ANGEL1: variants seen among roughly 807,000 people sequenced by gnomAD.
ANGEL1 encodes RNA 2',3'-cyclic phosphatase ANGEL1.
Under a neutral mutation model 76.4 loss-of-function variants are expected in ANGEL1, and 62 were observed. That is an observed-to-expected ratio of 0.81 (90% CI 0.66 to 1.00). The LOEUF is 1.00. ANGEL1 is among the 50% of genes least tolerant of loss of function. The probability of loss-of-function intolerance (pLI) is 0.00; values close to 1 mark genes in which losing one functional copy is unlikely to be tolerated. For synonymous variants in ANGEL1, 340 were observed against 331.7 expected (o/e 1.03, Z -0.27); for missense variants, 737 against 836.7 (o/e 0.88, Z 1.47).
chr14:76,789,694 A>AT (rs1319022832), intron 9 of ANGEL1, among the ~76,000 whole-genome samples: 555 of 135,722 alleles, frequency 4.1e-3, no homozygotes, highest in Middle Eastern at 7.4e-3. Context: ...ATAAAATCTG[A>AT]TTTTTTTTTT....
rs1409024844 is a variant in ANGEL1 at position 76,791,483 on chromosome 14, G to GA, written c.1619-118dup. The GA allele has an allele frequency of 1.9e-5, 17 of 904,386 alleles. No individual in the cohort carries two copies. In the Middle Eastern group the frequency reaches 3.3e-3, roughly 174 times the overall value. 56.0% of individuals were successfully genotyped at this position (904,386 alleles called of 1,614,324 possible). A position where few individuals can be genotyped will look rare whatever the true frequency, so the allele number is the denominator to read the frequency against. On this transcript the variant is annotated intron_variant, in intron 7 of 9. Transcript: ENST00000251089. ...GACTGGATTGCTTCAGAAGGATCCA[G>GA]AAGGAGAAAGGGAGAAACAGTGAGG... is the stretch of plus-strand genomic sequence containing the variant.
chr14:76,799,796 C>T (rs1315586227), intron 7 of ANGEL1, among the ~76,000 whole-genome samples: 2 of 151,280 alleles, frequency 1.3e-5, no homozygotes, highest in African/African-American at 4.9e-5. Context: ...CCCAGCTACT[C>T]GGAAGGTTGA....
At chr14:76,806,006 T>C (rs1230080257) in intron 5 of ANGEL1, among the ~76,000 whole-genome samples, 1 of 152,168 alleles carries the variant, frequency 6.6e-6, no homozygotes, top group Non-Finnish European at 1.5e-5. Context: ...GATTACAATA[T>C]CATAGGAACA....
chr14:76,789,134 T>C lies in ANGEL1; in HGVS notation c.*94A>G. 4.7e-6 allele frequency: 7 copies of C among 1,491,650 alleles called. No homozygotes were observed. Among genetic ancestry groups the C allele is most frequent in the Non-Finnish European group, 6.4e-6 (7 of 1,099,728 alleles). 92.4% of individuals were successfully genotyped at this position (1,491,650 alleles called of 1,614,324 possible). A position where few individuals can be genotyped will look rare whatever the true frequency, so the allele number is the denominator to read the frequency against. On this transcript the variant is annotated 3_prime_UTR_variant, in exon 10 of 10. Coordinates refer to ENST00000251089, the MANE Select transcript of ANGEL1 (RefSeq NM_015305.4). ...GGGGAAGGGAGGGGATGTAAGTTTC[T>C]TGGATCTAAGTTTCTAGATGCATGG...
intron 5 of ANGEL1, 89 bp downstream of exon 5, chr14:76,806,327 G>C: frequency 7.3e-7 from 1 of 1,378,508 alleles, no homozygotes; most frequent in Non-Finnish European, 9.9e-7. Flanking sequence ...GGTGTACTGA[G>C]GTCCCTGCCA....
At chr14:76,798,984 G>C (rs1233372270) in intron 7 of ANGEL1, among the ~76,000 whole-genome samples, 2 of 149,130 alleles carry the variant, frequency 1.3e-5, no homozygotes, top group African/African-American at 2.5e-5. Context: ...GTTGGAAATA[G>C]TAAGAATCAC....
intron 7 of ANGEL1, among the ~76,000 whole-genome samples, chr14:76,802,568 T>C (rs1398668664): frequency 5.3e-5 from 8 of 152,174 alleles, no homozygotes; most frequent in Non-Finnish European, 1.0e-4. Context: ...CTTGAACAGA[T>C]TGCTTAATGG....
intron 5 of ANGEL1, among the ~76,000 whole-genome samples, chr14:76,805,800 C>T (rs915076333): frequency 1.3e-5 from 2 of 152,218 alleles, no homozygotes; most frequent in East Asian, 1.9e-4. Context: ...AGCCAGACCA[C>T]CTGGTTACAA....
intron 7 of ANGEL1, among the ~76,000 whole-genome samples, chr14:76,797,486 G>A (rs1056260040): frequency 6.6e-6 from 1 of 152,150 alleles, no homozygotes; most frequent in Admixed American, 6.5e-5. Context: ...TGTAATCCCA[G>A]CTACTCAGGA....
chr14:76,789,200 G>C lies in ANGEL1; in HGVS notation c.*28C>G, dbSNP rs1383577187. 6.2e-7 allele frequency: 1 copy of C among 1,612,796 alleles called. No homozygotes were observed. Among genetic ancestry groups the C allele is most frequent in the African/African-American group, 1.3e-5 (1 of 74,884 alleles). On this transcript the variant is annotated 3_prime_UTR_variant, in exon 10 of 10. Coordinates refer to ENST00000251089, the MANE Select transcript of ANGEL1 (RefSeq NM_015305.4). Reference sequence around the variant, plus strand: ...TCTGATCCAGTGAGCTCTTCTGGAAGAGAAGCTCTCTTCCCCTGGGAGCCC... The same window carrying C: ...TCTGATCCAGTGAGCTCTTCTGGAACAGAAGCTCTCTTCCCCTGGGAGCCC...
chr14:76,812,572 G>A (rs901679836), intron 1 of ANGEL1, 192 bp downstream of exon 1: 2 of 1,250,172 alleles, frequency 1.6e-6, no homozygotes, highest in Non-Finnish European at 2.0e-6. Flanking sequence ...AGGGACGTCG[G>A]CCAGGTCCAG....
chr14:76,807,592 C>A, intron 3 of ANGEL1, 90 bp from the exon 4 acceptor site: 1 of 1,320,312 alleles, frequency 7.6e-7, no homozygotes, highest in Non-Finnish European at 1.1e-6. Context: ...AGGTGGGAAG[C>A]TGCTGGGTCA....
At position 76,804,835 on chromosome 14, in the gene ANGEL1, C is replaced by T. The variant is rs376594459; in HGVS notation, c.1381-923G>A. Among the ~76,000 whole-genome samples, 3 of 152,140 alleles carry T rather than the reference C, an allele frequency of 2.0e-5. No individual in the cohort carries two copies. The South Asian group carries it at 6.2e-4, about 32-fold the overall frequency. On this transcript the variant is annotated intron_variant, in intron 5 of 9. Transcript: ENST00000251089. ...GACCAGCCTGGCCAACATGGCGAAA[C>T]CCCGTCTCTACTAAACATACAAAAA...
At chr14:76,793,403 GGGATAAAAGGAAAGAGGAGAGGGGA>G (rs1894472113) in intron 7 of ANGEL1, among the ~76,000 whole-genome samples, 2 of 51,682 alleles carry the variant, frequency 3.9e-5, no homozygotes, top group Non-Finnish European at 9.2e-5. Flanking sequence ...GAGGGGAGAG[GGGATAAAAGGAAAGAGGAGAGGGGA>G]GGAGGAGGAG....
intron 5 of ANGEL1, chr14:76,804,183 C>T (rs1040401493): frequency 1.4e-6 from 2 of 1,411,326 alleles, no homozygotes; most frequent in African/African-American, 2.9e-5. Context: ...ACATGTGGTT[C>T]CCTAAATTTT....
At chr14:76,797,969 A>G (rs961515668) in intron 7 of ANGEL1, among the ~76,000 whole-genome samples, 3 of 152,128 alleles carry the variant, frequency 2.0e-5, no homozygotes, top group African/African-American at 7.2e-5. Flanking sequence ...GCACCTTGGG[A>G]GGTGATTAGG....
rs1389690956 is a variant in ANGEL1, at chr14:76,812,773, C to A, written c.55G>T (p.Ala19Ser). Reference sequence around the variant, plus strand: ...TACGCCTGGCCGGTACCTGAGAGGGCGCGGAAGAGGCGCGTGGCCGGCAGC... The same window carrying A: ...TACGCCTGGCCGGTACCTGAGAGGGAGCGGAAGAGGCGCGTGGCCGGCAGC... ...LLLPATRLFR[A>S]LSDAFFTCRK... Residue 19 changes from alanine to serine, a missense_variant, in exon 1 of 10, where the codon GCC becomes TCC. By Grantham distance (99) the Ala-to-Ser change is moderately conservative. This residue lies in a region of ANGEL1 where 441 missense variants were observed against 449.5 expected (regional missense o/e 0.98). Coordinates refer to ENST00000251089, the MANE Select transcript of ANGEL1 (RefSeq NM_015305.4). 33 of 1,522,080 alleles carry A rather than the reference C, an allele frequency of 2.2e-5. No individual in the cohort carries two copies. Among genetic ancestry groups the A allele is most frequent in the Non-Finnish European group, 2.8e-5 (32 of 1,139,748 alleles). The allele number at this position is 1,522,080 out of a possible 1,614,324, so 94.3% of individuals were successfully genotyped here. A position where few individuals can be genotyped will look rare whatever the true frequency, so the allele number is the denominator to read the frequency against.
chr14:76,804,018 A>G lies in ANGEL1; in HGVS notation c.1381-106T>C, dbSNP rs767244171. Reference sequence around the variant, plus strand: ...CAAATACAAACACATACAATCACACACTACGTACATGGTATAAACAAGCAT... The same window carrying G: ...CAAATACAAACACATACAATCACACGCTACGTACATGGTATAAACAAGCAT... On this transcript the variant is annotated intron_variant, in intron 5 of 9. Transcript: ENST00000251089. 7.5e-6 allele frequency: 12 copies of G among 1,610,206 alleles called. No homozygotes were observed. In the South Asian group the frequency reaches 1.2e-4, roughly 16 times the overall value.
intron 5 of ANGEL1, among the ~76,000 whole-genome samples, chr14:76,805,672 AAAAC>A (rs567595670): frequency 2.7e-4 from 41 of 152,362 alleles, no homozygotes; most frequent in African/African-American, 9.4e-4. Flanking sequence ...TGAGTGAAAA[AAAAC>A]AAGCTACAAA....
Sources: gnomAD v4.1 joint callset for allele counts (sites outside exome capture counted in the v4.1 genomes callset) on GRCh38, gnomAD v4.1.1 for gene constraint, gnomAD v4.1.1 regional missense constraint, MANE v1.5 for transcripts, NCBI Gene and HGNC (gene_info 2026-07-23, HGNC 2026-07-21) for gene names.